The following SUSD6 variants were observed in gnomAD, a reference collection of about 807,000 sequenced individuals.
SUSD6 encodes the protein sushi domain containing 6, also known as sushi domain-containing protein 6.
SUSD6 carries 16 observed loss-of-function variants against 28.4 expected under a neutral mutation model. The ratio of observed to expected loss-of-function variants is 0.56; its 90% CI spans 0.38 to 0.86. The LOEUF is 0.86. Among genes scored for constraint, SUSD6 ranks in the 40% least tolerant of loss-of-function variants. The pLI is 0.00. For synonymous variants in SUSD6, 147 were observed against 159.6 expected, an observed-to-expected ratio of 0.92 and a Z score of 0.59; for missense variants, 341 against 384.2, an observed-to-expected ratio of 0.89 and a Z score of 0.94.
At chr14:69,666,478 A>G (rs1051499107) in intron 2 of SUSD6, among the ~76,000 whole-genome samples, 1 of 152,228 alleles carries the variant, frequency 6.6e-6, no homozygotes, top group Admixed American at 6.5e-5. Flanking sequence ...CAGCACAGTG[A>G]TGTGATTGGA....
chr14:69,655,723 C>G (rs1377615413), intron 1 of SUSD6, among the ~76,000 whole-genome samples: 2 of 151,962 alleles, frequency 1.3e-5, no homozygotes, highest in Non-Finnish European at 2.9e-5. Context: ...TTGCTTGAGC[C>G]CAGAGGTTCA....
chr14:69,654,223 A>G (rs1358668259), intron 1 of SUSD6, among the ~76,000 whole-genome samples: 1 of 152,190 alleles, frequency 6.6e-6, no homozygotes, highest in Non-Finnish European at 1.5e-5. Context: ...CTCCATTTCC[A>G]TACCGGCTCC....
At chr14:69,701,262 A>G (rs1346120239) in intron 2 of SUSD6, among the ~76,000 whole-genome samples, 2 of 151,682 alleles carry the variant, frequency 1.3e-5, no homozygotes, top group Non-Finnish European at 2.9e-5. Flanking sequence ...GATCCCGCTC[A>G]AAGATTCTGT....
intron 4 of SUSD6, among the ~76,000 whole-genome samples, chr14:69,705,890 T>C (rs900816315): frequency 6.6e-5 from 10 of 152,332 alleles, no homozygotes; most frequent in African/African-American, 9.6e-5. Context: ...TTCCAGGCCA[T>C]TGTGGCTTCT....
At chr14:69,666,678 T>A (rs1885746489) in intron 2 of SUSD6, among the ~76,000 whole-genome samples, 1 of 152,214 alleles carries the variant, frequency 6.6e-6, no homozygotes, top group Non-Finnish European at 1.5e-5. Flanking sequence ...ATGGAGATTT[T>A]TTTCTTGTTT....
intron 2 of SUSD6, among the ~76,000 whole-genome samples, chr14:69,699,599 G>A (rs778735531): frequency 2.6e-5 from 4 of 151,384 alleles, no homozygotes; most frequent in Non-Finnish European, 4.4e-5. Context: ...TGAACCTGGA[G>A]CATCTTATGA....
chr14:69,679,901 A>G (rs1028738915), intron 2 of SUSD6, among the ~76,000 whole-genome samples: 40 of 152,346 alleles, frequency 2.6e-4, no homozygotes, highest in Middle Eastern at 3.4e-3. Flanking sequence ...CAGGCCCTTC[A>G]ACCACTAGGA....
At chr14:69,612,997 A>T (rs981544818) in intron 1 of SUSD6, among the ~76,000 whole-genome samples, 1 of 152,188 alleles carries the variant, frequency 6.6e-6, no homozygotes, top group African/African-American at 2.4e-5. Flanking sequence ...GCTAGTAGAG[A>T]CATGTGCTTG....
In SUSD6 at chr14:69,675,650, T is replaced by G. The variant is rs193059325; in HGVS notation, c.121+16937T>G. On this transcript the variant is annotated intron_variant, in intron 2 of 5. Coordinates refer to ENST00000342745, the MANE Select transcript of SUSD6 (RefSeq NM_014734.4). Reference sequence around the variant, plus strand: ...GCAACAGCTAATCACTATTGGCAGTTGACAAGATGTACAAACACTTGCTTG... The same window carrying G: ...GCAACAGCTAATCACTATTGGCAGTGGACAAGATGTACAAACACTTGCTTG... Among the ~76,000 whole-genome samples the G allele has an allele frequency of 1.8e-3, 273 of 152,348 alleles. 2 individuals carry two copies. The highest frequency in any genetic ancestry group is 6.2e-3 in the African/African-American group (258 of 41,578).
intron 2 of SUSD6, among the ~76,000 whole-genome samples, chr14:69,682,688 GT>G (rs1886014078): frequency 2.0e-5 from 3 of 152,160 alleles, no homozygotes; most frequent in Admixed American, 2.0e-4. Context: ...CACATTTGTT[GT>G]TTAAGGCATC....
chr14:69,685,963 C>T (rs1886066954), intron 2 of SUSD6, among the ~76,000 whole-genome samples: 1 of 152,236 alleles, frequency 6.6e-6, no homozygotes, highest in Non-Finnish European at 1.5e-5. Context: ...CTCTGAGCAG[C>T]CTCGCCAGCT....
chr14:69,687,342 C>G (rs1886088451), intron 2 of SUSD6, among the ~76,000 whole-genome samples: 1 of 151,440 alleles, frequency 6.6e-6, no homozygotes, highest in South Asian at 2.1e-4. Context: ...AACTCCTGAC[C>G]TCAGGTGATC....
At chr14:69,616,121 C>A (rs1317362107) in intron 1 of SUSD6, among the ~76,000 whole-genome samples, 1 of 152,170 alleles carries the variant, frequency 6.6e-6, no homozygotes, top group Non-Finnish European at 1.5e-5. Context: ...GGTTTGCAGA[C>A]GGCAGAGGTG....
At chr14:69,636,562 G>A (rs556212624) in intron 1 of SUSD6, among the ~76,000 whole-genome samples, 1 of 152,336 alleles carries the variant, frequency 6.6e-6, no homozygotes, top group East Asian at 1.9e-4. Flanking sequence ...TTTCCTGGGG[G>A]AACCCATTGT....
intron 2 of SUSD6, among the ~76,000 whole-genome samples, chr14:69,668,892 G>A (rs995667847): frequency 6.6e-6 from 1 of 151,536 alleles, no homozygotes; most frequent in African/African-American, 2.4e-5. Context: ...ACCATGTGAT[G>A]TGCCTGTTCC....
chr14:69,647,054 T>C (rs1885438417), intron 1 of SUSD6, among the ~76,000 whole-genome samples: 1 of 152,186 alleles, frequency 6.6e-6, no homozygotes, highest in East Asian at 1.9e-4. Context: ...GTTTTTGATA[T>C]ATTCTATAGC....
chr14:69,667,335 G>C (rs1275747), intron 2 of SUSD6, among the ~76,000 whole-genome samples: 124,049 of 150,054 alleles, frequency 0.83, 52,828 homozygotes, highest in South Asian at 0.93. Flanking sequence ...CCCCACTAAG[G>C]CTCCTTGATA....
chr14:69,696,205 A>C (rs1886223365), intron 2 of SUSD6, among the ~76,000 whole-genome samples: 1 of 152,244 alleles, frequency 6.6e-6, no homozygotes, highest in Non-Finnish European at 1.5e-5. Flanking sequence ...TGGTGAATCC[A>C]GCCCTGCCAA....
chr14:69,640,914 T>G (rs1885342534), intron 1 of SUSD6, among the ~76,000 whole-genome samples: 1 of 152,240 alleles, frequency 6.6e-6, no homozygotes, highest in African/African-American at 2.4e-5. Flanking sequence ...AATGCCCTTT[T>G]TAGATGTGAG....
Sources: gnomAD v4.1 joint callset for allele counts (sites outside exome capture counted in the v4.1 genomes callset) on GRCh38, gnomAD v4.1.1 for gene constraint, MANE v1.5 for transcripts, NCBI Gene and HGNC (gene_info 2026-07-23, HGNC 2026-07-21) for gene names.